WDFY3: variants seen among roughly 807,000 people sequenced by gnomAD.
WDFY3 encodes the protein WD repeat and FYVE domain containing 3, also known as WD repeat and FYVE domain-containing protein 3.
A neutral mutation model predicts 409.6 loss-of-function variants in WDFY3; 66 were observed. That is an observed-to-expected ratio of 0.16 (90% CI 0.13 to 0.20). The LOEUF is 0.20. WDFY3 is among the 10% of genes least tolerant of loss of function. WDFY3 has a pLI of 1.00. For missense variants in WDFY3, 3,031 were observed against 4,298.1 expected, an observed-to-expected ratio of 0.71 and a Z score of 8.24; for synonymous variants, 1,521 against 1,537.1, an observed-to-expected ratio of 0.99 and a Z score of 0.25.
At chr4:84,768,297 A>G (rs1578430697) in intron 30 of WDFY3, among the ~76,000 whole-genome samples, 2 of 152,222 alleles carry the variant, frequency 1.3e-5, no homozygotes, top group African/African-American at 4.8e-5. Context: ...CAGACTTCTC[A>G]ACAGATTTTT....
chr4:84,745,010 T>G (rs1739169586), intron 36 of WDFY3, among the ~76,000 whole-genome samples: 1 of 152,182 alleles, frequency 6.6e-6, no homozygotes, highest in Non-Finnish European at 1.5e-5. Flanking sequence ...GGTGGTATCT[T>G]TGTTAAGTTT....
At position 84,784,877 on chromosome 4, in the gene WDFY3, TATATATATATATATAC is replaced by T. The variant is rs199697926; in HGVS notation, c.4062+1086_4062+1101del. Among the ~76,000 whole-genome samples, 88 of 80,730 alleles carry T rather than the reference TATATATATATATATAC, an allele frequency of 1.1e-3. No individual in the cohort carries two copies. In the East Asian group the frequency reaches 0.012, roughly 11 times the overall value. 53.0% of individuals were successfully genotyped at this position (80,730 alleles called of 152,430 possible). On this transcript the variant is annotated intron_variant, in intron 24 of 67. Transcript: ENST00000295888. ...GTATATGTATATATATATATATATA[TATATATATATATATAC>T]ACACACACACACACACACACACACA... is the stretch of plus-strand genomic sequence containing the variant.
chr4:84,778,394 T>C, intron 27 of WDFY3, 109 bp downstream of exon 27: 1 of 1,033,596 alleles, frequency 9.7e-7, no homozygotes, highest in Non-Finnish European at 1.3e-6. Flanking sequence ...ATGAACATCA[T>C]AAAATTATAG....
At chr4:84,762,398 G>C (rs1742801325) in intron 32 of WDFY3, among the ~76,000 whole-genome samples, 1 of 147,478 alleles carries the variant, frequency 6.8e-6, no homozygotes, top group South Asian at 2.1e-4. Context: ...TCACTCATAG[G>C]TGGGAACTGA....
At chr4:84,721,913 G>C (rs559814113) in intron 46 of WDFY3, among the ~76,000 whole-genome samples, 1 of 151,998 alleles carries the variant, frequency 6.6e-6, no homozygotes, top group Non-Finnish European at 1.5e-5. Flanking sequence ...GACTAAATTA[G>C]GTAACTCATG....
chr4:84,801,635 T>C lies in WDFY3; in HGVS notation c.2822+15A>G, dbSNP rs369986517. 9.4e-6 allele frequency: 15 copies of C among 1,595,402 alleles called. No homozygotes were observed. The highest frequency in any genetic ancestry group is 1.1e-5 in the South Asian group (1 of 89,768). On this transcript the variant is annotated intron_variant, in intron 17 of 67. Transcript: ENST00000295888. ...TTACTAATTGTGGACTATTTGAGTA[T>C]GAAAGAGAACTTACCTCAACACCAT...
chr4:84,956,158 G>T (rs964800591), intron 1 of WDFY3, among the ~76,000 whole-genome samples: 4 of 152,186 alleles, frequency 2.6e-5, no homozygotes, highest in African/African-American at 9.7e-5. Flanking sequence ...ACATCATACA[G>T]GAAGAGGAAG....
chr4:84,733,965 T>A (rs1737021678), intron 43 of WDFY3, among the ~76,000 whole-genome samples: 1 of 152,154 alleles, frequency 6.6e-6, no homozygotes, highest in Non-Finnish European at 1.5e-5. Flanking sequence ...TATATGGTAA[T>A]TTAAGGATAC....
intron 35 of WDFY3, among the ~76,000 whole-genome samples, chr4:84,753,003 C>T (rs528132124): frequency 1.3e-5 from 2 of 152,250 alleles, no homozygotes; most frequent in African/African-American, 4.8e-5. Flanking sequence ...CTATTAGTTA[C>T]TGTAATGAAT....
intron 3 of WDFY3, among the ~76,000 whole-genome samples, chr4:84,873,781 T>A (rs4464556): frequency 0.51 from 77,628 of 151,354 alleles, 22,838 homozygotes; most frequent in South Asian, 0.67. Flanking sequence ...GTGTTTTTTT[T>A]TTGTTTGTTT....
chr4:84,873,483 G>A (rs571751668), intron 3 of WDFY3, among the ~76,000 whole-genome samples: 26 of 152,074 alleles, frequency 1.7e-4, no homozygotes, highest in Middle Eastern at 3.2e-3. Flanking sequence ...TGCAGCAAAA[G>A]CTGTTCTTTG....
chr4:84,737,387 C>CAAAA (rs780889737), intron 40 of WDFY3, 21 bp from the exon 41 acceptor site: 2 of 1,527,398 alleles, frequency 1.3e-6, no homozygotes, highest in Non-Finnish European at 1.8e-6. Context: ...AACAAACAAA[C>CAAAA]AAACAAAAAA....
rs1311051671 is a variant in WDFY3 at position 84,739,509 on chromosome 4, T to A, written c.6465-390A>T. On this transcript the variant is annotated intron_variant, in intron 39 of 67. Transcript: ENST00000295888. The stretch of plus-strand genomic sequence containing the variant: ...TGAAGTAGTTGCAGTTCCCCTGAGG[T>A]GCCACACTCCTTCTTCCCTCTGGGC... Among the ~76,000 whole-genome samples, 4 of 152,194 alleles carry A rather than the reference T, an allele frequency of 2.6e-5. No homozygotes were observed. In the East Asian group the frequency reaches 5.8e-4, roughly 22 times the overall value.
chr4:84,929,211 C>T (rs555714008), intron 2 of WDFY3, among the ~76,000 whole-genome samples: 1 of 152,230 alleles, frequency 6.6e-6, no homozygotes, highest in Non-Finnish European at 1.5e-5. Context: ...AACTGGGTCC[C>T]TTAGTTCAAC....
chr4:84,808,044 G>T (rs1751812257), intron 15 of WDFY3, among the ~76,000 whole-genome samples: 1 of 151,978 alleles, frequency 6.6e-6, no homozygotes, highest in African/African-American at 2.4e-5. Context: ...TTTAATAAAA[G>T]ACATGTTTTT....
intron 12 of WDFY3, among the ~76,000 whole-genome samples, chr4:84,819,631 T>C (rs1753789740): frequency 6.6e-6 from 1 of 152,070 alleles, no homozygotes; most frequent in South Asian, 2.1e-4. Context: ...AAACAAAATA[T>C]TTAGTAAAGT....
chr4:84,813,762 G>A (rs1023157831), intron 13 of WDFY3, among the ~76,000 whole-genome samples: 4 of 151,988 alleles, frequency 2.6e-5, no homozygotes, highest in Non-Finnish European at 4.4e-5. Flanking sequence ...ACCAAAAGAG[G>A]AGAAAATGGT....
chr4:84,870,537 C>G (rs1022841568), intron 3 of WDFY3, among the ~76,000 whole-genome samples: 1 of 152,106 alleles, frequency 6.6e-6, no homozygotes, highest in African/African-American at 2.4e-5. Flanking sequence ...TTTTCAAGAT[C>G]TGAGAAAGAT....
intron 32 of WDFY3, among the ~76,000 whole-genome samples, chr4:84,764,956 T>A (rs544391615): frequency 2.6e-5 from 4 of 152,278 alleles, no homozygotes; most frequent in Admixed American, 1.3e-4. Flanking sequence ...ATACTTAAAC[T>A]TTTTTTCTAT....
Sources: gnomAD v4.1 joint callset for allele counts (sites outside exome capture counted in the v4.1 genomes callset) on GRCh38, gnomAD v4.1.1 for gene constraint, MANE v1.5 for transcripts, NCBI Gene and HGNC (gene_info 2026-07-23, HGNC 2026-07-21) for gene names.